The following DENND3 variants were observed in gnomAD, a reference collection of about 807,000 sequenced individuals.
DENND3 encodes the protein DENN domain containing 3, also known as DENN domain-containing protein 3.
In DENND3, 88 loss-of-function variants were observed where a neutral mutation model predicts 135.1. That is an observed-to-expected ratio of 0.65 (90% CI 0.55 to 0.78). DENND3 has a LOEUF of 0.78. Ranked by LOEUF, DENND3 falls within the 30% of genes least tolerant of loss-of-function variation. The pLI, the probability that DENND3 is intolerant of heterozygous loss-of-function variation, is 0.00. For missense variants in DENND3, 1,392 were observed against 1,688.4 expected (o/e 0.82, Z 3.08); for synonymous variants, 693 against 712.3 (o/e 0.97, Z 0.43).
rs573498223 is a variant in DENND3 at position 141,188,764 on chromosome 8, TC to T, written c.3085-221del. The T allele has an allele frequency of 6.6e-4, 359 of 545,962 alleles. 6 individuals are homozygous for T. The East Asian group carries it at 0.012, about 18-fold the overall frequency. The allele number at this position is 545,962 out of a possible 1,614,324, so 33.8% of individuals were successfully genotyped here. On this transcript the variant is annotated intron_variant, in intron 18 of 22. Transcript: ENST00000519811. ...GTGTTAATGAATCAATCATACGTAGTCAATAAGGTGTCTGTGAACAGAGCAC... is the reference window on the plus strand; with the variant it reads ...GTGTTAATGAATCAATCATACGTAGTAATAAGGTGTCTGTGAACAGAGCAC...
chr8:141,143,613 G>A (rs112320758), intron 4 of DENND3, among the ~76,000 whole-genome samples: 7 of 152,132 alleles, frequency 4.6e-5, no homozygotes, highest in East Asian at 1.9e-4. Flanking sequence ...ACTATCTTGC[G>A]CAGGCTGGCC....
rs561039961 is a variant in DENND3, at chr8:141,189,248, G to A, written c.3245+102G>A. The stretch of plus-strand genomic sequence containing the variant: ...AGTCTTGTGCCCACAGGGGCCAGGC[G>A]GGGCGTACAGAGTGAAGTGGATCTA... On this transcript the variant is annotated intron_variant, in intron 19 of 22. Transcript: ENST00000519811. 6.4e-5 allele frequency: 95 copies of A among 1,488,440 alleles called. 1 individual carries two copies. The highest frequency in any genetic ancestry group is 2.0e-4 in the Middle Eastern group (1 of 5,102). The allele number at this position is 1,488,440 out of a possible 1,614,324, so 92.2% of individuals were successfully genotyped here.
rs891042625 is a variant in DENND3, at chr8:141,138,441, A to C, written c.501+304A>C. Among the ~76,000 whole-genome samples, 1 of 151,644 alleles carries C rather than the reference A, an allele frequency of 6.6e-6. No homozygotes were observed. Among genetic ancestry groups the C allele is most frequent in the Admixed American group, 6.6e-5 (1 of 15,204 alleles). ...TGCTCTGTCATCCAGGCTGGAGTGC[A>C]GTGGCACCATCTCAGCTCACTGCAA... On this transcript the variant is annotated intron_variant, in intron 3 of 22. Coordinates refer to ENST00000519811, the MANE Select transcript of DENND3 (RefSeq NM_001352890.3). The surrounding 1 kb of genome is among the most constrained non-coding windows in gnomAD (Gnocchi z 4.8).
At chr8:141,188,847 C>T in intron 18 of DENND3, 139 bp from the exon 19 acceptor site, 15 of 1,195,470 alleles carry the variant, frequency 1.3e-5, no homozygotes, top group Non-Finnish European at 1.7e-5. Flanking sequence ...CCAGAGGCTC[C>T]CAGGACCCTG....
chr8:141,189,132 A>G lies in DENND3; in HGVS notation c.3231A>G (p.Gly1077=), dbSNP rs746810911. The G allele has an allele frequency of 1.2e-6, 2 of 1,614,194 alleles. No homozygotes were observed. Among genetic ancestry groups the G allele is most frequent in the Admixed American group, 3.3e-5 (2 of 60,016 alleles). ...TCACGGATTTGATTGTGCAGGACGG[A>G]CAGGAGGCACCCAGGTGCAGTAAGC... ...SSVTDLIVQD[G]QEAPSNVYSC... The change falls in exon 19 of 23, where the codon GGA becomes GGG. Residue 1077 remains glycine (G), a synonymous_variant. Transcript: ENST00000519811.
chr8:141,151,495 A>C (rs1213462528), intron 6 of DENND3, 124 bp from the exon 7 acceptor site: 2 of 861,818 alleles, frequency 2.3e-6, no homozygotes, highest in Non-Finnish European at 3.6e-6. Flanking sequence ...CAGGAGTTCG[A>C]GGCTGCAGTG....
In DENND3 at chr8:141,136,923, T is replaced by G. The variant is rs78537931; in HGVS notation, c.385+132T>G. On this transcript the variant is annotated intron_variant, in intron 2 of 22. Transcript: ENST00000519811. ...CCAGGGACCCCTCACTGCCTCCTCT[T>G]GTGGGATTTAGTTTTCTTAATCTTG... The G allele has an allele frequency of 2.4e-3, 1,903 of 779,488 alleles. 24 individuals carry two copies. The African/African-American group carries it at 0.03, about 12-fold the overall frequency. The allele number at this position is 779,488 out of a possible 1,614,324, so 48.3% of individuals were successfully genotyped here. A position where few individuals can be genotyped will look rare whatever the true frequency, so the allele number is the denominator to read the frequency against.
At position 141,128,719 on chromosome 8, in the gene DENND3, C is replaced by T; in HGVS notation, c.12C>T (p.Ala4=). The T allele has an allele frequency of 1.4e-6, 2 of 1,419,464 alleles. No homozygotes were observed. The highest frequency in any genetic ancestry group is 1.8e-6 in the Non-Finnish European group (2 of 1,088,072). 87.9% of individuals were successfully genotyped at this position (1,419,464 alleles called of 1,614,324 possible). A position where few individuals can be genotyped will look rare whatever the true frequency, so the allele number is the denominator to read the frequency against. ...GGCGGCGGGCAGCCATGGCGGAGGC[C>T]GCGTCGCCGCACTTGTCGCTGCCCT... The part of the protein sequence containing the change: MAE[A]ASPHLSLPSG... Residue 4 remains alanine, a synonymous_variant, in exon 1 of 23, where the codon GCC becomes GCT. Transcript: ENST00000519811. The surrounding 1 kb of genome is among the most constrained non-coding windows in gnomAD (Gnocchi z 4.5).
chr8:141,140,636 C>A (rs1346842095), intron 3 of DENND3, among the ~76,000 whole-genome samples: 2 of 152,166 alleles, frequency 1.3e-5, no homozygotes. Context: ...TTATAAGTAC[C>A]CTAAATTCAG....
chr8:141,163,363 C>G lies in DENND3; in HGVS notation c.1383C>G (p.His461Gln). 6.2e-7 allele frequency: 1 copy of G among 1,611,296 alleles called. No individual in the cohort carries two copies. Among genetic ancestry groups the G allele is most frequent in the Non-Finnish European group, 8.5e-7 (1 of 1,177,796 alleles). Reference sequence around the variant, plus strand: ...TAAAGAATCATTTAAACTATGAACACAGAGTCTTTAATAGTGAAGAATTTC... The same window carrying G: ...TAAAGAATCATTTAAACTATGAACAGAGAGTCTTTAATAGTGAAGAATTTC... ...RDVKNHLNYEHRVFNSEEFLK... is the reference protein window; with the variant it reads ...RDVKNHLNYEQRVFNSEEFLK... Residue 461 changes from histidine to glutamine, a missense_variant, in exon 10 of 23, where the codon CAC (histidine) becomes CAG (glutamine). By Grantham distance (24) the His-to-Gln change is conservative. Coordinates refer to ENST00000519811, the MANE Select transcript of DENND3 (RefSeq NM_001352890.3).
chr8:141,186,712 T>G (rs1256374637), intron 18 of DENND3, among the ~76,000 whole-genome samples: 1 of 152,240 alleles, frequency 6.6e-6, no homozygotes, highest in Non-Finnish European at 1.5e-5. Flanking sequence ...TTTAGTAGTG[T>G]GTCCTTGGCA....
chr8:141,159,010 G>C (rs181467284), intron 8 of DENND3, among the ~76,000 whole-genome samples: 1 of 152,224 alleles, frequency 6.6e-6, no homozygotes, highest in Non-Finnish European at 1.5e-5. Context: ...GGCATTCTGC[G>C]TGTTCTTTCA....
At chr8:141,170,347 G>A (rs937006289) in intron 13 of DENND3, among the ~76,000 whole-genome samples, 24 of 152,162 alleles carry the variant, frequency 1.6e-4, no homozygotes, top group Admixed American at 8.5e-4. Flanking sequence ...GGGATGTCAT[G>A]GCCGAGTGTG....
In DENND3 at chr8:141,167,507, G is replaced by T. The variant is rs1434769188; in HGVS notation, c.1754-497G>T. ...GGAGTTGGTGTGAGACACACACCTG[G>T]TTGAAGTGTGGCTCAGGCACTTAGT... On this transcript the variant is annotated intron_variant, in intron 12 of 22. Coordinates refer to ENST00000519811, the MANE Select transcript of DENND3 (RefSeq NM_001352890.3). This position sits in a 1 kb window ranked among gnomAD's most constrained non-coding sequence, Gnocchi z 4.1. 6.6e-6 allele frequency among the ~76,000 whole-genome samples: 1 copy of T among 152,210 alleles called. No homozygotes were observed. Among genetic ancestry groups the T allele is most frequent in the East Asian group, 1.9e-4 (1 of 5,198 alleles).
chr8:141,145,130 T>C (rs1313842712), intron 5 of DENND3, among the ~76,000 whole-genome samples: 1 of 152,128 alleles, frequency 6.6e-6, no homozygotes, highest in African/African-American at 2.4e-5. Flanking sequence ...ACATTCACCA[T>C]CTCTTCTCTC....
At position 141,133,051 on chromosome 8, in the gene DENND3, G is replaced by A. The variant is rs183209622; in HGVS notation, c.103-3458G>A. ...GGGCAGGGCCGAGATGCTCCAGGGGGTGATGAGCTGGGAGGTGGAGGCCTG... is the reference window on the plus strand; with the variant it reads ...GGGCAGGGCCGAGATGCTCCAGGGGATGATGAGCTGGGAGGTGGAGGCCTG... On this transcript the variant is annotated intron_variant, in intron 1 of 22. Transcript: ENST00000519811. 2.6e-3 allele frequency among the ~76,000 whole-genome samples: 394 copies of A among 152,360 alleles called. 2 individuals carry two copies. The highest frequency in any genetic ancestry group is 9.2e-3 in the African/African-American group (382 of 41,582).
chr8:141,183,925 G>T (rs943669617), intron 17 of DENND3, among the ~76,000 whole-genome samples: 2 of 152,132 alleles, frequency 1.3e-5, no homozygotes, highest in African/African-American at 2.4e-5. Flanking sequence ...TTCCGCCAGG[G>T]GTCTTAGTTC....
At chr8:141,170,109 G>C (rs1271083402) in intron 13 of DENND3, among the ~76,000 whole-genome samples, 2 of 152,362 alleles carry the variant, frequency 1.3e-5, no homozygotes, top group Admixed American at 6.5e-5. Context: ...GTCACAAACA[G>C]TGCACGTGCT....
At position 141,175,168 on chromosome 8, in the gene DENND3, A is replaced by T; in HGVS notation, c.2276-32A>T. The stretch of plus-strand genomic sequence containing the variant: ...GGGGCTCCCGAGGTATGTGGCTGTA[A>T]GATACCTCTCTTTTCTTCTTATCAA... On this transcript the variant is annotated intron_variant, in intron 13 of 22. Coordinates refer to ENST00000519811, the MANE Select transcript of DENND3 (RefSeq NM_001352890.3). This position sits in a 1 kb window ranked among gnomAD's most constrained non-coding sequence, Gnocchi z 5.4. The T allele has an allele frequency of 1.3e-6, 2 of 1,594,018 alleles. No individual in the cohort carries two copies. Among genetic ancestry groups the T allele is most frequent in the Non-Finnish European group, 8.6e-7 (1 of 1,168,910 alleles).
Sources: gnomAD v4.1 joint callset for allele counts (sites outside exome capture counted in the v4.1 genomes callset) on GRCh38, gnomAD v4.1.1 for gene constraint, Gnocchi (gnomAD v3.1) non-coding constraint, MANE v1.5 for transcripts, NCBI Gene and HGNC (gene_info 2026-07-23, HGNC 2026-07-21) for gene names.